Variants in KDM4A observed in about 807,000 individuals in gnomAD.
KDM4A encodes lysine-specific demethylase 4A.
Under a neutral mutation model 127.1 loss-of-function variants are expected in KDM4A, and 23 were observed. The ratio of observed to expected loss-of-function variants is 0.18; its 90% CI spans 0.13 to 0.26. The LOEUF (loss-of-function observed/expected upper bound fraction) is 0.26, where lower values mean the gene tolerates loss of function less well. Among genes scored for constraint, KDM4A ranks in the 10% least tolerant of loss-of-function variants. The pLI is 1.00. For synonymous variants in KDM4A, 443 were observed against 466.5 expected (o/e 0.95, Z 0.65); for missense variants, 890 against 1,329.1 (o/e 0.67, Z 5.14).
At chr1:43,670,904 T>G (rs567208383) in intron 10 of KDM4A, among the ~76,000 whole-genome samples, 60 of 152,172 alleles carry the variant, frequency 3.9e-4, no homozygotes, top group African/African-American at 1.4e-3. Context: ...AGAGTCTGAC[T>G]TTGTTGCCCA....
At chr1:43,666,580 T>TTCTC in intron 7 of KDM4A, 25 bp downstream of exon 7, 1 of 1,571,260 alleles carries the variant, frequency 6.4e-7, no homozygotes, top group Non-Finnish European at 8.8e-7. Context: ...CATGCCAAAG[T>TTCTC]TCTCAGGCAC....
Position 43,704,893 on chromosome 1 carries a change from C to T in KDM4A, c.*523C>T, listed in dbSNP as rs1031652573. 6.3e-6 allele frequency: 1 copy of T among 157,722 alleles called. No homozygotes were observed. Among genetic ancestry groups the T allele is most frequent in the African/African-American group, 2.4e-5 (1 of 41,480 alleles). The allele number at this position is 157,722 out of a possible 1,614,324, so 9.8% of individuals were successfully genotyped here. ...GGGCAAACAAAATGTGAAATTCTGC[C>T]CTCAGCTGAGCTGAGTAAGGGCTCC... On this transcript the variant is annotated 3_prime_UTR_variant, in exon 22 of 22. Coordinates refer to ENST00000372396, the MANE Select transcript of KDM4A (RefSeq NM_014663.3).
chr1:43,685,007 C>A (rs1198368484), intron 12 of KDM4A, among the ~76,000 whole-genome samples: 1 of 152,084 alleles, frequency 6.6e-6, no homozygotes, highest in Non-Finnish European at 1.5e-5. Context: ...TTGGGGAAAC[C>A]TGAGTTCAGT....
Position 43,697,959 on chromosome 1 carries a change from A to G in KDM4A, c.2787A>G (p.Glu929=). The change falls in exon 19 of 22, where the codon GAA becomes GAG. Residue 929 remains glutamate (E), a synonymous_variant. Coordinates refer to ENST00000372396, the MANE Select transcript of KDM4A (RefSeq NM_014663.3). ...VVRLTTETFY[E]VNFDDGSFSD... is the part of the protein sequence containing the mutation. ...GGCTCACCACCGAGACCTTCTATGA[A>G]GTCAACTTTGATGATGGCTCCTTCA... 1 of 1,613,764 alleles carries G rather than the reference A, an allele frequency of 6.2e-7. No homozygotes were observed. The highest frequency in any genetic ancestry group is 1.1e-5 in the South Asian group (1 of 91,076).
intron 19 of KDM4A, chr1:43,702,207 G>C (rs1433950372): frequency 6.6e-6 from 1 of 152,166 alleles, no homozygotes; most frequent in East Asian, 1.9e-4. Flanking sequence ...CCCCTCAGAG[G>C]TTCACAGACC....
intron 1 of KDM4A, chr1:43,650,786 C>T (rs1660098295): frequency 2.0e-5 from 3 of 152,420 alleles, no homozygotes; most frequent in Non-Finnish European, 4.4e-5. Flanking sequence ...GAAACTGAGA[C>T]TCAAGTCAGC....
At chr1:43,685,739 G>A (rs976405656) in intron 12 of KDM4A, among the ~76,000 whole-genome samples, 31 of 151,690 alleles carry the variant, frequency 2.0e-4, no homozygotes, top group Admixed American at 1.5e-3. Context: ...CTGCACTCCA[G>A]CCTGGGCGAC....
intron 11 of KDM4A, among the ~76,000 whole-genome samples, chr1:43,674,708 T>C (rs1411142338): frequency 6.6e-6 from 1 of 151,874 alleles, no homozygotes; most frequent in Non-Finnish European, 1.5e-5. Context: ...TTAGTAGAGA[T>C]GGGGTTTCAC....
At chr1:43,656,329 G>GTTTTTTTTTT (rs11438925) in intron 3 of KDM4A, among the ~76,000 whole-genome samples, 2 of 54,180 alleles carry the variant, frequency 3.7e-5, no homozygotes, top group African/African-American at 8.1e-5. Flanking sequence ...TCTGCTGTTG[G>GTTTTTTTTTT]TTTTTTTTTT....
intron 20 of KDM4A, 58 bp from the exon 21 acceptor site, chr1:43,703,962 G>T: frequency 6.7e-7 from 1 of 1,481,870 alleles, no homozygotes; most frequent in African/African-American, 1.4e-5. Flanking sequence ...ACTGTGCATG[G>T]TGGACCAGGG....
chr1:43,656,167 C>T (rs935112762), intron 3 of KDM4A, among the ~76,000 whole-genome samples: 2 of 152,040 alleles, frequency 1.3e-5, no homozygotes, highest in Admixed American at 1.3e-4. Context: ...TTCTCACTGC[C>T]CATCCAGCCT....
chr1:43,694,246 G>GCCACCACACC lies in KDM4A; in HGVS notation c.2484+144_2484+145insCCACCACACC. 2.9e-6 allele frequency: 2 copies of GCCACCACACC among 682,170 alleles called. No individual in the cohort carries two copies. The highest frequency in any genetic ancestry group is 5.0e-6 in the Non-Finnish European group (2 of 400,108). The allele number at this position is 682,170 out of a possible 1,614,324, so 42.3% of individuals were successfully genotyped here. A position where few individuals can be genotyped will look rare whatever the true frequency, so the allele number is the denominator to read the frequency against. The stretch of plus-strand genomic sequence containing the variant: ...GATTCCTTAGTGGAGGCCAGGTGTG[G>GCCACCACACC]TGGCTCACACCTGTAATCCCAGCCC... On this transcript the variant is annotated intron_variant, in intron 17 of 21. Coordinates refer to ENST00000372396, the MANE Select transcript of KDM4A (RefSeq NM_014663.3). The surrounding 1 kb of genome is among the most constrained non-coding windows in gnomAD (Gnocchi z 5.2).
chr1:43,688,938 A>G lies in KDM4A; in HGVS notation c.1880A>G (p.Glu627Gly), dbSNP rs1232850391. ...GAGACATCTGAACAGCTGACCCCTG[A>G]GGAAGAGGCTGAGGAGACAGAGGCC... ...DDETSEQLTP[E>G]EEAEETEAWA... Residue 627 changes from glutamate (E) to glycine (G), a missense_variant, in exon 13 of 22, where the codon GAG becomes GGG. This residue lies in a region of KDM4A where 389 missense variants were observed against 485.9 expected (regional missense o/e 0.80). Coordinates refer to ENST00000372396, the MANE Select transcript of KDM4A (RefSeq NM_014663.3). This position sits in a 1 kb window ranked among gnomAD's most constrained non-coding sequence, Gnocchi z 4.4. 1 of 1,614,144 alleles carries G rather than the reference A, an allele frequency of 6.2e-7. No individual in the cohort carries two copies. The highest frequency in any genetic ancestry group is 8.5e-7 in the Non-Finnish European group (1 of 1,180,008).
intron 5 of KDM4A, 101 bp downstream of exon 5, chr1:43,663,188 C>A: frequency 9.8e-7 from 1 of 1,019,124 alleles, no homozygotes; most frequent in Non-Finnish European, 1.4e-6. Flanking sequence ...AAGGGCAGAC[C>A]CTGGTTCAGG....
chr1:43,671,187 T>TG (rs1660610403), intron 10 of KDM4A, among the ~76,000 whole-genome samples: 2 of 152,244 alleles, frequency 1.3e-5, no homozygotes, highest in Non-Finnish European at 2.9e-5. Flanking sequence ...AGCTCAGACT[T>TG]GCATTACCTG....
chr1:43,667,185 C>A, intron 8 of KDM4A, 94 bp downstream of exon 8: 2 of 1,391,120 alleles, frequency 1.4e-6, no homozygotes, highest in South Asian at 2.5e-5. Flanking sequence ...TTTCTTTGAG[C>A]TGCTGGAATT....
At chr1:43,684,874 G>A (rs1386675826) in intron 12 of KDM4A, among the ~76,000 whole-genome samples, 1 of 152,196 alleles carries the variant, frequency 6.6e-6, no homozygotes, top group Non-Finnish European at 1.5e-5. Context: ...TCTGAAGTAG[G>A]ATGGTGGTGG....
intron 21 of KDM4A, 58 bp downstream of exon 21, chr1:43,704,170 A>G: frequency 6.2e-7 from 1 of 1,613,270 alleles, no homozygotes; most frequent in Non-Finnish European, 8.5e-7. Context: ...CAAGTCAAGG[A>G]TGCATCCCTT....
At chr1:43,663,882 CTT>C (rs1335801026) in intron 5 of KDM4A, among the ~76,000 whole-genome samples, 1 of 152,154 alleles carries the variant, frequency 6.6e-6, no homozygotes, top group Non-Finnish European at 1.5e-5. Context: ...AGTCCTCCTA[CTT>C]CAGCCTTGCA....
Sources: allele counts gnomAD v4.1 joint callset (sites outside exome capture counted in the v4.1 genomes callset), GRCh38; gene constraint gnomAD v4.1.1; regional missense constraint gnomAD v4.1.1; non-coding constraint Gnocchi (gnomAD v3.1); transcripts MANE v1.5; gene names NCBI Gene and HGNC (gene_info 2026-07-23, HGNC 2026-07-21).